The following DMD variants were observed in gnomAD, a reference collection of about 807,000 sequenced individuals.
DMD encodes mutant dystrophin.
DMD carries 63 observed loss-of-function variants against 330.1 expected under a neutral mutation model. The ratio of observed to expected loss-of-function variants is 0.19; its 90% CI spans 0.16 to 0.24. The LOEUF (loss-of-function observed/expected upper bound fraction) is 0.24. Ranked by LOEUF, DMD falls within the 10% of genes least tolerant of loss-of-function variation. The pLI, the probability that DMD is intolerant of heterozygous loss-of-function variation, is 1.00. For missense variants in DMD, 3,344 were observed against 2,684.1 expected, an observed-to-expected ratio of 1.25 and a Z score of -5.43; for synonymous variants, 1,223 against 959.8, an observed-to-expected ratio of 1.27 and a Z score of -5.07.
intron 7 of DMD, among the ~76,000 whole-genome samples, chrX:32,788,436 G>GTA (rs1202826274): frequency 8.9e-6 from 1 of 112,235 alleles, no homozygotes; most frequent in East Asian, 2.8e-4. Context: ...GTGGAAATCT[G>GTA]TATGTTGGTT....
At chrX:32,435,275 C>T (rs867110789) in intron 29 of DMD, among the ~76,000 whole-genome samples, 25 of 79,623 alleles carry the variant, frequency 3.1e-4, no homozygotes, top group East Asian at 1.8e-3. Flanking sequence ...TATATACTTA[C>T]ATATATATAT....
At chrX:32,319,967 A>G (rs888428078) in intron 41 of DMD, among the ~76,000 whole-genome samples, 1 of 110,711 alleles carries the variant, frequency 9.0e-6, no homozygotes, top group African/African-American at 3.3e-5. Flanking sequence ...TTGCTATAGC[A>G]ATCTTTTTGT....
chrX:32,302,560 T>C (rs1297136631), intron 42 of DMD, among the ~76,000 whole-genome samples: 1 of 111,637 alleles, frequency 9.0e-6, no homozygotes, highest in East Asian at 2.8e-4. Context: ...GAAATAACTT[T>C]ACGTATATTT....
chrX:31,756,989 CT>C (rs72154168), intron 51 of DMD, among the ~76,000 whole-genome samples: 175 of 101,989 alleles, frequency 1.7e-3, no homozygotes, highest in African/African-American at 5.4e-3. Context: ...GTTTGTTTTG[CT>C]TTTTTTTTTT....
At chrX:31,724,047 C>T (rs1009926207) in intron 52 of DMD, among the ~76,000 whole-genome samples, 20 of 112,296 alleles carry the variant, frequency 1.8e-4, no homozygotes, top group Admixed American at 1.0e-3. Flanking sequence ...GGCATTCAAA[C>T]GTTCGCTGAA....
intron 67 of DMD, among the ~76,000 whole-genome samples, chrX:31,187,039 G>A (rs898008569): frequency 1.8e-5 from 2 of 112,637 alleles, no homozygotes; most frequent in African/African-American, 3.2e-5. Flanking sequence ...TTAAACCACT[G>A]GAGTTCACCA....
At chrX:32,796,346 G>A (rs1046026460) in intron 7 of DMD, among the ~76,000 whole-genome samples, 5 of 111,526 alleles carry the variant, frequency 4.5e-5, no homozygotes, top group African/African-American at 1.6e-4. Context: ...GTTATTAAGT[G>A]AGACAATCGA....
chrX:31,253,444 T>G (rs1331768547), intron 63 of DMD, among the ~76,000 whole-genome samples: 1 of 111,587 alleles, frequency 9.0e-6, no homozygotes, highest in Non-Finnish European at 1.9e-5. Context: ...AAGGAATTCA[T>G]AGTCATTCAG....
intron 60 of DMD, among the ~76,000 whole-genome samples, chrX:31,442,723 T>A (rs1415040645): frequency 9.0e-6 from 1 of 111,298 alleles, no homozygotes. Flanking sequence ...GCCATTGGTT[T>A]TCTTTGGACA....
Position 32,206,020 on chromosome X carries a change from G to A in DMD, c.6438+10896C>T. 8.1e-6 allele frequency: 4 copies of A among 495,421 alleles called. No homozygotes were observed. The Admixed American group carries it at 9.5e-5, about 12-fold the overall frequency. The allele number at this position is 495,421 out of a possible 1,213,427, so 40.8% of individuals were successfully genotyped here. Reference sequence around the variant, plus strand: ...GAAATTGAGCAACAGTTATCTTTAAGAACGGTCAGTTTAGGGGCTGGGGCA... The same window carrying A: ...GAAATTGAGCAACAGTTATCTTTAAAAACGGTCAGTTTAGGGGCTGGGGCA... On this transcript the variant is annotated intron_variant, in intron 44 of 78. Coordinates refer to ENST00000357033, the MANE Select transcript of DMD (RefSeq NM_004006.3).
At chrX:31,171,743 C>G (rs1429352856) in intron 73 of DMD, among the ~76,000 whole-genome samples, 1 of 111,497 alleles carries the variant, frequency 9.0e-6, no homozygotes, top group Non-Finnish European at 1.9e-5. Flanking sequence ...CGCTCTATCT[C>G]CGTCCTTAAA....
rs1193368413 is a variant in DMD at position 32,252,663 on chromosome X, AAT to A, written c.6290+34864_6290+34865del. Reference sequence around the variant, plus strand: ...AAATATATATAAATACAAATATATAAATATATATATATAAATATATAAATATA... The same window carrying A: ...AAATATATATAAATACAAATATATAAATATATATATAAATATATAAATATA... On this transcript the variant is annotated intron_variant, in intron 43 of 78. Transcript: ENST00000357033. Among the ~76,000 whole-genome samples, 96 of 40,325 alleles carry A rather than the reference AAT, an allele frequency of 2.4e-3. 5 individuals carry two copies. Among genetic ancestry groups the A allele is most frequent in the African/African-American group, 5.8e-3 (40 of 6,920 alleles). The allele number at this position is 40,325 out of a possible 115,157, so 35.0% of individuals were successfully genotyped here.
intron 7 of DMD, among the ~76,000 whole-genome samples, chrX:32,781,296 C>T (rs1304192854): frequency 9.0e-6 from 1 of 110,823 alleles, no homozygotes. Context: ...TCCACTGGAA[C>T]ATTAAGTGAG....
chrX:32,966,952 T>A lies in DMD; in HGVS notation c.93+53187A>T, dbSNP rs774048129. 8.9e-5 allele frequency among the ~76,000 whole-genome samples: 10 copies of A among 112,097 alleles called. No homozygotes were observed. The Admixed American group carries it at 9.5e-4, about 11-fold the overall frequency. On this transcript the variant is annotated intron_variant, in intron 2 of 78. Transcript: ENST00000357033. ...CTAACAAGCTAGCAAAATCCTGGTATAAAGCCAACACTACCCATGATTACA... is the reference window on the plus strand; with the variant it reads ...CTAACAAGCTAGCAAAATCCTGGTAAAAAGCCAACACTACCCATGATTACA...
chrX:32,468,681 T>A lies in DMD; in HGVS notation c.2979A>T (p.Gln993His). 1 of 1,211,139 alleles carries A rather than the reference T, an allele frequency of 8.3e-7. No individual in the cohort carries two copies. The highest frequency in any genetic ancestry group is 1.1e-6 in the Non-Finnish European group (1 of 895,200). ...TGGTGCTGAGATAGTATAGGCCACTTTGTTGCTCTTGCAGAGAACTTTGTA... is the reference window on the plus strand; with the variant it reads ...TGGTGCTGAGATAGTATAGGCCACTATGTTGCTCTTGCAGAGAACTTTGTA... ...QALQSSLQEQ[Q>H]SGLYYLSTTV... Residue 993 changes from glutamine to histidine, a missense_variant, in exon 23 of 79, where the codon CAA (glutamine) becomes CAT (histidine). Coordinates refer to ENST00000357033, the MANE Select transcript of DMD (RefSeq NM_004006.3).
chrX:31,182,676 A>C lies in DMD; in HGVS notation c.9974+62T>G. 7 of 1,081,303 alleles carry C rather than the reference A, an allele frequency of 6.5e-6. No individual in the cohort carries two copies. The South Asian group carries it at 1.1e-4, about 17-fold the overall frequency. 89.1% of individuals were successfully genotyped at this position (1,081,303 alleles called of 1,213,427 possible). A position where few individuals can be genotyped will look rare whatever the true frequency, so the allele number is the denominator to read the frequency against. ...CAACTGGCACAGGAGATAAAAGATC[A>C]AGTCATAAAAAGGTGAAAAATGATG... On this transcript the variant is annotated intron_variant, in intron 68 of 78. Coordinates refer to ENST00000357033, the MANE Select transcript of DMD (RefSeq NM_004006.3).
chrX:32,728,172 T>C (rs878920128), intron 7 of DMD, among the ~76,000 whole-genome samples: 1 of 111,048 alleles, frequency 9.0e-6, no homozygotes, highest in East Asian at 2.8e-4. Context: ...TACTAAAACT[T>C]GTCTAGAAAT....
At chrX:32,258,121 C>G (rs1409013208) in intron 43 of DMD, among the ~76,000 whole-genome samples, 1 of 111,628 alleles carries the variant, frequency 9.0e-6, no homozygotes, top group East Asian at 2.8e-4. Flanking sequence ...GAGATACCAT[C>G]TCACACCAGT....
At chrX:32,870,696 T>G (rs2082881936) in intron 2 of DMD, among the ~76,000 whole-genome samples, 1 of 110,733 alleles carries the variant, frequency 9.0e-6, no homozygotes, top group Non-Finnish European at 1.9e-5. Context: ...ATTTAATAAA[T>G]GGTGCTGGGA....
Sources: allele counts gnomAD v4.1 joint callset (sites outside exome capture counted in the v4.1 genomes callset), GRCh38; gene constraint gnomAD v4.1.1; transcripts MANE v1.5; gene names NCBI Gene and HGNC (gene_info 2026-07-23, HGNC 2026-07-21).